Variants in UBA1 observed in about 807,000 individuals in gnomAD.
UBA1 encodes the protein ubiquitin like modifier activating enzyme 1.
In UBA1, 4 loss-of-function variants were observed where a neutral mutation model predicts 84.7. The observed-to-expected ratio is 0.05, with a 90% CI of 0.02 to 0.11. The LOEUF (loss-of-function observed/expected upper bound fraction) is 0.11. Ranked by LOEUF, UBA1 falls within the 10% of genes least tolerant of loss-of-function variation. UBA1 has a pLI of 1.00. For synonymous variants in UBA1, 364 were observed against 362.6 expected (o/e 1.00, Z -0.04); for missense variants, 513 against 902.8 (o/e 0.57, Z 5.53).
chrX:47,192,989 C>A (rs1774536661), upstream of UBA1, among the ~76,000 whole-genome samples: 2 of 111,709 alleles, frequency 1.8e-5, no homozygotes, highest in Non-Finnish European at 1.9e-5. Flanking sequence ...GCCCTTGTTC[C>A]TGAGGCGGGG....
intron 6 of UBA1, 126 bp from the exon 7 acceptor site, chrX:47,201,150 T>G: frequency 8.8e-6 from 7 of 793,304 alleles, no homozygotes; most frequent in Non-Finnish European, 1.3e-5. Context: ...GTGGCACAAG[T>G]ACCATCTTAC....
intron 1 of UBA1, chrX:47,197,870 T>C: frequency 1.6e-6 from 1 of 617,912 alleles, no homozygotes. Context: ...AAGTTGGGGG[T>C]ATTATTGATA....
intron 9 of UBA1, 36 bp downstream of exon 9, chrX:47,202,289 G>A (rs1243755968): frequency 8.3e-7 from 1 of 1,204,856 alleles, no homozygotes; most frequent in Non-Finnish European, 1.1e-6. Context: ...GCTGTGGGGG[G>A]TGGTTCTAGG....
At chrX:47,196,340 C>T (rs1395454764) in intron 1 of UBA1, among the ~76,000 whole-genome samples, 3 of 111,131 alleles carry the variant, frequency 2.7e-5, no homozygotes, top group Non-Finnish European at 5.7e-5. Context: ...TCCAGCCCCC[C>T]TTCTCTATGC....
chrX:47,213,282 G>C, intron 23 of UBA1, 101 bp downstream of exon 23: 1 of 887,222 alleles, frequency 1.1e-6, no homozygotes, highest in Non-Finnish European at 1.6e-6. Flanking sequence ...GTTTCTGTCT[G>C]TGTACCTACC....
intron 5 of UBA1, among the ~76,000 whole-genome samples, chrX:47,200,080 C>G: frequency 9.0e-6 from 1 of 111,147 alleles, no homozygotes; most frequent in South Asian, 3.7e-4. Flanking sequence ...CCACCGCACC[C>G]GGCCTGGCCC....
At position 47,206,281 on chromosome X, in the gene UBA1, G is replaced by A. The variant is rs1215231057; in HGVS notation, c.1775G>A (p.Arg592Gln). 1.7e-6 allele frequency: 2 copies of A among 1,207,813 alleles called. No homozygotes were observed. The highest frequency in any genetic ancestry group is 3.5e-5 in the African/African-American group (2 of 57,290). Residue 592 changes from arginine (R) to glutamine (Q), a missense_variant, in exon 16 of 26, where the codon CGG becomes CAG. By Grantham distance (43) the Arg-to-Gln change is conservative (BLOSUM62 1). Around this residue, in one of 6 missense-constraint regions of UBA1, gnomAD observed 40 missense variants for 138.3 expected, o/e 0.29. Coordinates refer to ENST00000335972, the MANE Select transcript of UBA1 (RefSeq NM_003334.4). ...MYMDRRCVYY[R>Q]KPLLESGTLG... ...ATGGACCGCCGCTGTGTCTACTACC[G>A]GAAGCCACTGCTGGAGTCAGGCACA... is the stretch of plus-strand genomic sequence containing the variant.
chrX:47,203,130 T>G lies in UBA1; in HGVS notation c.1339-4T>G. The G allele has an allele frequency of 8.3e-7, 1 of 1,211,621 alleles. No individual in the cohort carries two copies. Among genetic ancestry groups the G allele is most frequent in the Non-Finnish European group, 1.1e-6 (1 of 895,411 alleles). On this transcript the variant is annotated splice_region_variant and splice_polypyrimidine_tract_variant and intron_variant, in intron 12 of 25. Coordinates refer to ENST00000335972, the MANE Select transcript of UBA1 (RefSeq NM_003334.4). ...TCTAACCCTCCTCCCTTTGCATTCCTTAGCGCCAGAACCGTTATGACGGGC... is the reference window on the plus strand; with the variant it reads ...TCTAACCCTCCTCCCTTTGCATTCCGTAGCGCCAGAACCGTTATGACGGGC...
intron 5 of UBA1, among the ~76,000 whole-genome samples, chrX:47,199,928 G>C (rs920318853): frequency 3.6e-4 from 40 of 110,018 alleles, no homozygotes; most frequent in African/African-American, 1.3e-3. Flanking sequence ...GACTACAGGC[G>C]CCTGCCACCA....
chrX:47,201,434 G>C, intron 7 of UBA1, 44 bp from the exon 8 acceptor site: 1 of 1,211,461 alleles, frequency 8.3e-7, no homozygotes, highest in Non-Finnish European at 1.1e-6. Flanking sequence ...GTCTGCTCTT[G>C]GTACCCTGGG....
Position 47,193,849 on chromosome X carries a change from CTG to C in UBA1, c.-174_-173del, listed in dbSNP as rs1235372423. On this transcript the variant is annotated 5_prime_UTR_variant, in exon 1 of 26. Transcript: ENST00000335972. ...CCGCCATCTTGTGTCGGCGGCTCGG[CTG>C]TAAGGAGGTGGCAGGGACAACCACA... The C allele has an allele frequency of 9.0e-6, 1 of 111,572 alleles. No individual in the cohort carries two copies. The highest frequency in any genetic ancestry group is 1.9e-5 in the Non-Finnish European group (1 of 53,113). 9.2% of individuals were successfully genotyped at this position (111,572 alleles called of 1,213,427 possible).
At chrX:47,191,144 G>A (rs928806396), upstream of UBA1, among the ~76,000 whole-genome samples, 2 of 111,687 alleles carry the variant, frequency 1.8e-5, no homozygotes, top group Admixed American at 1.9e-4. Flanking sequence ...TTGGGAGTCT[G>A]TTTCGGGGAG....
chrX:47,207,285 C>G (rs1438340100), intron 16 of UBA1, among the ~76,000 whole-genome samples: 1 of 111,445 alleles, frequency 9.0e-6, no homozygotes, highest in Non-Finnish European at 1.9e-5. Context: ...TTATCTAGCT[C>G]GGGGTGTCCA....
intron 20 of UBA1, 143 bp downstream of exon 20, chrX:47,211,368 C>T: frequency 1.4e-6 from 1 of 696,644 alleles, no homozygotes; most frequent in South Asian, 2.3e-5. Flanking sequence ...TTTGAGCCTC[C>T]CTTTGACATG....
rs782722368 is a variant in UBA1, at chrX:47,202,737, C to T, written c.1156C>T (p.Leu386=). 27 of 1,209,842 alleles carry T rather than the reference C, an allele frequency of 2.2e-5. No homozygotes were observed. Among genetic ancestry groups the T allele is most frequent in the African/African-American group, 2.1e-4 (12 of 57,441 alleles). The change falls in exon 11 of 26, where the codon CTG becomes TTG. Residue 386 remains leucine, a synonymous_variant. Transcript: ENST00000335972. ...NNLDEDLIRK[L]AYVAAGDLAP... is the part of the protein sequence containing the mutation. Reference sequence around the variant, plus strand: ...CCTGGACGAGGACCTCATCCGGAAGCTGGCATATGTGGCTGCTGGGGATCT... The same window carrying T: ...CCTGGACGAGGACCTCATCCGGAAGTTGGCATATGTGGCTGCTGGGGATCT...
chrX:47,205,161 G>A lies in UBA1; in HGVS notation c.1576-787G>A, dbSNP rs1936609352. On this transcript the variant is annotated intron_variant, in intron 14 of 25. Coordinates refer to ENST00000335972, the MANE Select transcript of UBA1 (RefSeq NM_003334.4). The stretch of plus-strand genomic sequence containing the variant: ...TGCCCTCTGCTGTGGAAGAGCCTGC[G>A]CAAAGATCCTGAGGTGGGAGGGGTC... The A allele has an allele frequency of 2.0e-5, 4 of 205,045 alleles. No homozygotes were observed. The South Asian group carries it at 2.5e-4, about 13-fold the overall frequency. 16.9% of individuals were successfully genotyped at this position (205,045 alleles called of 1,213,427 possible).
Position 47,206,357 on chromosome X carries a change from G to A in UBA1, c.1851G>A (p.Ser617=), listed in dbSNP as rs782523119. 19 of 1,210,471 alleles carry A rather than the reference G, an allele frequency of 1.6e-5. No homozygotes were observed. Among genetic ancestry groups the A allele is most frequent in the Non-Finnish European group, 2.0e-5 (18 of 895,182 alleles). The change falls in exon 16 of 26, where the codon TCG becomes TCA. Residue 617 remains serine (S), a synonymous_variant. Coordinates refer to ENST00000335972, the MANE Select transcript of UBA1 (RefSeq NM_003334.4). ...VQVVIPFLTE[S]YSSSQDPPEK... ...TGGTGATCCCCTTCCTGACAGAGTC[G>A]TACAGTTCCAGCCAGGACCCACCTG...
intron 16 of UBA1, 139 bp downstream of exon 16, chrX:47,206,583 A>C: frequency 1.7e-6 from 1 of 596,788 alleles, no homozygotes; most frequent in Non-Finnish European, 2.7e-6. Flanking sequence ...TCCCTCCCTC[A>C]CTTCCCACCA....
rs1556787861 is a variant in UBA1, at chrX:47,201,262, G to C, written c.588-14G>C. ...ATGGGACACAGGCACCAGCCCTATT[G>C]CTTCCCTCTACAGGCAGCTCTTCTG... On this transcript the variant is annotated splice_polypyrimidine_tract_variant and intron_variant, in intron 6 of 25. Transcript: ENST00000335972. The C allele has an allele frequency of 8.4e-7, 1 of 1,197,181 alleles. No individual in the cohort carries two copies. The highest frequency in any genetic ancestry group is 3.0e-5 in the East Asian group (1 of 33,673).
Sources: allele counts gnomAD v4.1 joint callset (sites outside exome capture counted in the v4.1 genomes callset), GRCh38; gene constraint gnomAD v4.1.1; regional missense constraint gnomAD v4.1.1; transcripts MANE v1.5; gene names NCBI Gene and HGNC (gene_info 2026-07-23, HGNC 2026-07-21).